GRID1: variants seen among roughly 807,000 people sequenced by gnomAD.
GRID1 encodes glutamate receptor ionotropic, delta-1.
Under a neutral mutation model 98.0 loss-of-function variants are expected in GRID1, and 28 were observed. The ratio of observed to expected loss-of-function variants is 0.29; its 90% CI spans 0.21 to 0.39. The LOEUF (loss-of-function observed/expected upper bound fraction) is 0.39, where lower values mean the gene tolerates loss of function less well. Ranked by LOEUF, GRID1 falls within the 10% of genes least tolerant of loss-of-function variation. The pLI, the probability that GRID1 is intolerant of heterozygous loss-of-function variation, is 1.00. For missense variants in GRID1, 1,111 were observed against 1,340.5 expected (o/e 0.83, Z 2.67); for synonymous variants, 553 against 538.5 (o/e 1.03, Z -0.37).
chr10:86,177,146 C>T (rs1180339665), intron 3 of GRID1, among the ~76,000 whole-genome samples: 4 of 151,920 alleles, frequency 2.6e-5, no homozygotes, highest in Non-Finnish European at 5.9e-5. Flanking sequence ...AACACACCCT[C>T]CAGGAACAAG....
intron 3 of GRID1, among the ~76,000 whole-genome samples, chr10:86,183,787 T>C (rs1845691338): frequency 6.6e-6 from 1 of 152,260 alleles, no homozygotes; most frequent in Admixed American, 6.5e-5. Flanking sequence ...GGTAAATACC[T>C]GGGAGTAGAA....
chr10:86,349,087 AGCTGGTGG>A (rs1848428935), intron 2 of GRID1, among the ~76,000 whole-genome samples: 1 of 152,146 alleles, frequency 6.6e-6, no homozygotes, highest in South Asian at 2.1e-4. Context: ...CACTGGTGGG[AGCTGGTGG>A]GCAATACCTC....
At chr10:85,625,060 G>C (rs561301119) in intron 13 of GRID1, among the ~76,000 whole-genome samples, 1 of 152,276 alleles carries the variant, frequency 6.6e-6, no homozygotes, top group East Asian at 1.9e-4. Context: ...AGGATGAACA[G>C]ATTATTATTG....
intron 2 of GRID1, among the ~76,000 whole-genome samples, chr10:86,218,099 T>C (rs1050939188): frequency 1.3e-5 from 2 of 152,160 alleles, no homozygotes; most frequent in South Asian, 4.1e-4. Context: ...GTTTTTAGCT[T>C]TCTCTGGCTC....
At chr10:85,823,370 A>G (rs868255354) in intron 8 of GRID1, among the ~76,000 whole-genome samples, 43 of 152,202 alleles carry the variant, frequency 2.8e-4, no homozygotes, top group African/African-American at 9.9e-4. Flanking sequence ...TTTAAATTAC[A>G]AAAAAGAGAA....
chr10:85,743,393 GA>G (rs1242368813), intron 8 of GRID1, among the ~76,000 whole-genome samples: 1 of 152,106 alleles, frequency 6.6e-6, no homozygotes, highest in African/African-American at 2.4e-5. Context: ...CTGACATACA[GA>G]ATCCATTAGA....
chr10:85,915,345 T>C (rs931962354), intron 5 of GRID1, among the ~76,000 whole-genome samples: 2 of 151,964 alleles, frequency 1.3e-5, no homozygotes, highest in Admixed American at 6.6e-5. Flanking sequence ...TACACACTCA[T>C]GCACACACAC....
At chr10:85,616,374 G>A (rs1042094121) in intron 14 of GRID1, among the ~76,000 whole-genome samples, 1 of 152,196 alleles carries the variant, frequency 6.6e-6, no homozygotes, top group Non-Finnish European at 1.5e-5. Context: ...AGGAGGCCAT[G>A]CTCTTTCCAG....
At chr10:85,984,662 A>G (rs1842588180) in intron 4 of GRID1, among the ~76,000 whole-genome samples, 2 of 152,220 alleles carry the variant, frequency 1.3e-5, no homozygotes, top group African/African-American at 4.8e-5. Flanking sequence ...AACGGCCCTC[A>G]GAAGCTCTTT....
chr10:86,197,020 G>A (rs1845883898), intron 3 of GRID1, among the ~76,000 whole-genome samples: 1 of 152,034 alleles, frequency 6.6e-6, no homozygotes, highest in African/African-American at 2.4e-5. Flanking sequence ...TCTAAATGCT[G>A]TGGGTCCAGT....
intron 5 of GRID1, among the ~76,000 whole-genome samples, chr10:85,913,711 G>A (rs139337565): frequency 0.047 from 8 of 172 alleles, no homozygotes; most frequent in Non-Finnish European, 0.039. Flanking sequence ...ATTGCTTGAG[G>A]CCCGGGAGGC....
intron 4 of GRID1, among the ~76,000 whole-genome samples, chr10:86,130,623 C>A (rs1445091988): frequency 1.3e-5 from 2 of 152,156 alleles, no homozygotes; most frequent in African/African-American, 2.4e-5. Context: ...ATATAGTCTT[C>A]CCACTCCAAC....
intron 4 of GRID1, among the ~76,000 whole-genome samples, chr10:85,986,302 A>C (rs1842607787): frequency 6.6e-6 from 1 of 152,264 alleles, no homozygotes; most frequent in South Asian, 2.1e-4. Context: ...AACTACCTGC[A>C]AATAGCAAGC....
At chr10:86,191,065 G>A (rs977801714) in intron 3 of GRID1, among the ~76,000 whole-genome samples, 3 of 152,138 alleles carry the variant, frequency 2.0e-5, no homozygotes, top group Admixed American at 1.3e-4. Context: ...TTGCTGAATC[G>A]CACAATAAGC....
chr10:86,143,850 G>A (rs1019377959), intron 3 of GRID1, among the ~76,000 whole-genome samples: 26 of 152,168 alleles, frequency 1.7e-4, no homozygotes, highest in Non-Finnish European at 3.8e-4. Flanking sequence ...GGGGTGCATG[G>A]GCCAGTCCAC....
At chr10:86,348,349 C>T (rs767559974) in intron 2 of GRID1, among the ~76,000 whole-genome samples, 5 of 152,330 alleles carry the variant, frequency 3.3e-5, no homozygotes, top group South Asian at 2.1e-4. Context: ...GGCCCCGGCC[C>T]GGGCAGAGGA....
At chr10:85,685,411 G>A (rs915708068) in intron 12 of GRID1, among the ~76,000 whole-genome samples, 1 of 152,056 alleles carries the variant, frequency 6.6e-6, no homozygotes, top group Admixed American at 6.5e-5. Context: ...TTGAGAAAAA[G>A]AATGCTTCAA....
chr10:86,122,851 G>T (rs1429763142), intron 4 of GRID1, among the ~76,000 whole-genome samples: 1 of 152,228 alleles, frequency 6.6e-6, no homozygotes, highest in Non-Finnish European at 1.5e-5. Flanking sequence ...CATGAGGGAG[G>T]GGTGGAGACA....
rs112269891 is a variant in GRID1, at chr10:86,348,054, A to T, written c.235+15887T>A. ...TCTCTGGGAAGATGACCCCTGGACC[A>T]CCTATCACTGGGGTCTCAGTCCAAC... On this transcript the variant is annotated intron_variant, in intron 2 of 15. Coordinates refer to ENST00000327946, the MANE Select transcript of GRID1 (RefSeq NM_017551.3). 2.5e-3 allele frequency among the ~76,000 whole-genome samples: 388 copies of T among 152,254 alleles called. 10 individuals carry two copies. Among genetic ancestry groups the T allele is most frequent in the Middle Eastern group, 0.017 (5 of 292 alleles).
Sources: gnomAD v4.1 joint callset for allele counts (sites outside exome capture counted in the v4.1 genomes callset) on GRCh38, gnomAD v4.1.1 for gene constraint, MANE v1.5 for transcripts, NCBI Gene and HGNC (gene_info 2026-07-23, HGNC 2026-07-21) for gene names.